The following SCCPDH variants were observed in gnomAD, a reference collection of about 807,000 sequenced individuals.
The protein encoded by SCCPDH is saccharopine dehydrogenase (putative).
SCCPDH carries 34 observed loss-of-function variants against 51.5 expected under a neutral mutation model. That is an observed-to-expected ratio of 0.66 (90% CI 0.50 to 0.88). SCCPDH has a LOEUF of 0.88. Among genes scored for constraint, SCCPDH ranks in the 40% least tolerant of loss-of-function variants. The pLI is 0.00. For synonymous variants in SCCPDH, 187 were observed against 191.3 expected, an observed-to-expected ratio of 0.98 and a Z score of 0.19; for missense variants, 464 against 527.1, an observed-to-expected ratio of 0.88 and a Z score of 1.17.
intron 2 of SCCPDH, among the ~76,000 whole-genome samples, chr1:246,730,008 T>G (rs1668468650): frequency 6.6e-6 from 1 of 152,200 alleles, no homozygotes; most frequent in East Asian, 1.9e-4. Context: ...ATTATTTCAA[T>G]CAGCATTTAA....
In SCCPDH at chr1:246,759,962, G is replaced by T; in HGVS notation, c.819G>T (p.Gln273His). Reference protein sequence around the residue: ...LYENLEESPVQYAAYVTVGGI... With the variant: ...LYENLEESPVHYAAYVTVGGI... ...TTGTCTTCTCCATCATCTAGGTTCAGTATGCTGCGTATGTAACTGTGGGAG... is the reference window on the plus strand; with the variant it reads ...TTGTCTTCTCCATCATCTAGGTTCATTATGCTGCGTATGTAACTGTGGGAG... The change falls in exon 8 of 12, where the codon CAG (glutamine) becomes CAT (histidine). Residue 273 changes from glutamine (Q) to histidine (H), a missense_variant. By Grantham distance (24) the Gln-to-His change is conservative. Transcript: ENST00000366510. 6.2e-7 allele frequency: 1 copy of T among 1,610,704 alleles called. No homozygotes were observed. Among genetic ancestry groups the T allele is most frequent in the South Asian group, 1.1e-5 (1 of 89,622 alleles).
chr1:246,735,998 A>G lies in SCCPDH; in HGVS notation c.327A>G (p.Val109=). The change falls in exon 3 of 12, where the codon GTA becomes GTG. Residue 109 remains valine, a synonymous_variant. Coordinates refer to ENST00000366510, the MANE Select transcript of SCCPDH (RefSeq NM_016002.3). The part of the protein sequence containing the change: ...VGPYRFYGEP[V]IKACIENGAS... ...AGTATCGGTTTTATGGAGAACCTGT[A>G]ATAAAAGCATGTATTGAAAATGGAG... 6.2e-7 allele frequency: 1 copy of G among 1,612,394 alleles called. No homozygotes were observed. The highest frequency in any genetic ancestry group is 8.5e-7 in the Non-Finnish European group (1 of 1,178,550).
At chr1:246,731,332 C>CTGGCAAATAGGAAAATGCGTT (rs1668486639) in intron 2 of SCCPDH, among the ~76,000 whole-genome samples, 1 of 152,242 alleles carries the variant, frequency 6.6e-6, no homozygotes, top group African/African-American at 2.4e-5. Context: ...AATGGGCAGA[C>CTGGCAAATAGGAAAATGCGTT]TGGCAAATAG....
At chr1:246,743,322 C>T (rs936102010) in intron 4 of SCCPDH, among the ~76,000 whole-genome samples, 1 of 152,072 alleles carries the variant, frequency 6.6e-6, no homozygotes, top group Non-Finnish European at 1.5e-5. Flanking sequence ...TGGTGGCTCA[C>T]GCCTGAAATC....
chr1:246,731,424 T>C (rs559056372), intron 2 of SCCPDH, among the ~76,000 whole-genome samples: 3 of 152,318 alleles, frequency 2.0e-5, no homozygotes, highest in African/African-American at 4.8e-5. Flanking sequence ...CCAGTACTCA[T>C]AGATACACTG....
At chr1:246,746,421 G>A (rs1395249442) in intron 5 of SCCPDH, among the ~76,000 whole-genome samples, 1 of 152,186 alleles carries the variant, frequency 6.6e-6, no homozygotes, top group African/African-American at 2.4e-5. Flanking sequence ...CTGTAACCAG[G>A]CCCAGGACGC....
chr1:246,727,298 A>G (rs999776191), intron 2 of SCCPDH, among the ~76,000 whole-genome samples: 3 of 152,170 alleles, frequency 2.0e-5, no homozygotes, highest in Non-Finnish European at 2.9e-5. Context: ...TTCGGTAAAA[A>G]ATGTTTGAGT....
At chr1:246,760,367 C>T in intron 9 of SCCPDH, 140 bp downstream of exon 9, 1 of 702,726 alleles carries the variant, frequency 1.4e-6, no homozygotes, top group Non-Finnish European at 2.3e-6. Flanking sequence ...TCTTTTCAAA[C>T]ACCCCTTGAA....
At chr1:246,758,921 TGGGA>T in intron 6 of SCCPDH, 109 bp from the exon 7 acceptor site, 1 of 755,010 alleles carries the variant, frequency 1.3e-6, no homozygotes, top group Non-Finnish European at 2.4e-6. Context: ...CCCAAAGTGC[TGGGA>T]TTACAGGCAT....
At chr1:246,730,021 A>T (rs866007205) in intron 2 of SCCPDH, among the ~76,000 whole-genome samples, 1 of 152,178 alleles carries the variant, frequency 6.6e-6, no homozygotes, top group Admixed American at 6.5e-5. Context: ...GCATTTAAAT[A>T]TGTGATATCT....
At chr1:246,753,052 ACT>A (rs113895610) in intron 5 of SCCPDH, among the ~76,000 whole-genome samples, 4 of 101,058 alleles carry the variant, frequency 4.0e-5, no homozygotes, top group African/African-American at 3.4e-5. Context: ...TTTTTCTTTG[ACT>A]CTCTCTCTCT....
chr1:246,755,353 T>C (rs144155771), intron 5 of SCCPDH, among the ~76,000 whole-genome samples: 11 of 152,350 alleles, frequency 7.2e-5, no homozygotes, highest in African/African-American at 2.6e-4. Context: ...AGGCAAGATA[T>C]TCTTGAAAGA....
chr1:246,750,289 A>G (rs192847515), intron 5 of SCCPDH, among the ~76,000 whole-genome samples: 172 of 152,320 alleles, frequency 1.1e-3, no homozygotes, highest in African/African-American at 4.0e-3. Context: ...GGGACGAGAA[A>G]GTGGAAGATA....
chr1:246,736,107 A>T (rs1668585920), intron 3 of SCCPDH, 52 bp downstream of exon 3: 1 of 1,192,858 alleles, frequency 8.4e-7, no homozygotes, highest in Non-Finnish European at 1.2e-6. Context: ...ATTTCGGTTT[A>T]ATGAAGTGGA....
intron 2 of SCCPDH, among the ~76,000 whole-genome samples, chr1:246,733,096 A>AT (rs1348722279): frequency 1.3e-5 from 2 of 151,926 alleles, no homozygotes; most frequent in Non-Finnish European, 2.9e-5. Context: ...TTTTATTTTT[A>AT]TTTTTTTGAG....
chr1:246,737,129 A>G (rs1054458842), intron 3 of SCCPDH, among the ~76,000 whole-genome samples: 2 of 152,296 alleles, frequency 1.3e-5, no homozygotes, highest in African/African-American at 4.8e-5. Flanking sequence ...TCAGCATGCC[A>G]ATATGATATT....
At chr1:246,746,308 C>T (rs893206801) in intron 5 of SCCPDH, among the ~76,000 whole-genome samples, 10 of 151,996 alleles carry the variant, frequency 6.6e-5, no homozygotes, top group East Asian at 1.9e-4. Context: ...CTGCATGCAC[C>T]GGCAATCAGA....
intron 6 of SCCPDH, among the ~76,000 whole-genome samples, chr1:246,758,699 A>C (rs181776965): frequency 7.1e-4 from 108 of 152,328 alleles, no homozygotes; most frequent in African/African-American, 2.5e-3. Flanking sequence ...TGTCAACTAA[A>C]TTTTATGTGA....
chr1:246,767,167 A>G (rs1369805033), intron 11 of SCCPDH, 28 bp from the exon 12 acceptor site: 21 of 1,519,154 alleles, frequency 1.4e-5, no homozygotes, highest in Non-Finnish European at 1.7e-5. Context: ...AGCTGAGTGC[A>G]CTGTTTTCTC....
Sources: allele counts gnomAD v4.1 joint callset (sites outside exome capture counted in the v4.1 genomes callset), GRCh38; gene constraint gnomAD v4.1.1; transcripts MANE v1.5; gene names NCBI Gene and HGNC (gene_info 2026-07-23, HGNC 2026-07-21).